The following NKAIN2 variants were observed in gnomAD, a reference collection of about 807,000 sequenced individuals.
NKAIN2 encodes sodium/potassium-transporting ATPase subunit beta-1-interacting protein 2.
A neutral mutation model predicts 32.6 loss-of-function variants in NKAIN2; 14 were observed. That is an observed-to-expected ratio of 0.43 (90% confidence interval 0.28 to 0.67). The LOEUF is 0.67. NKAIN2 is among the 30% of genes least tolerant of loss of function. The pLI is 0.17. For synonymous variants in NKAIN2, 80 were observed against 87.2 expected, an observed-to-expected ratio of 0.92 and a Z score of 0.46; for missense variants, 198 against 258.3, an observed-to-expected ratio of 0.77 and a Z score of 1.60.
At chr6:124,028,752 T>C (rs1269496370) in intron 1 of NKAIN2, among the ~76,000 whole-genome samples, 1 of 147,750 alleles carries the variant, frequency 6.8e-6, no homozygotes, top group African/African-American at 2.5e-5. Flanking sequence ...TATGTGTATA[T>C]ATACAAGTAT....
intron 2 of NKAIN2, among the ~76,000 whole-genome samples, chr6:124,353,030 C>G (rs1004847838): frequency 6.6e-6 from 1 of 152,204 alleles, no homozygotes; most frequent in African/African-American, 2.4e-5. Flanking sequence ...ACGTAGAGCT[C>G]TCACTCCTCA....
intron 4 of NKAIN2, among the ~76,000 whole-genome samples, chr6:124,670,164 C>T (rs1162830682): frequency 5.3e-5 from 8 of 152,068 alleles, no homozygotes; most frequent in Non-Finnish European, 1.2e-4. Context: ...TACTTGATTG[C>T]TAGAAGCCAA....
At chr6:124,379,318 G>T (rs1450957993) in intron 3 of NKAIN2, among the ~76,000 whole-genome samples, 3 of 139,728 alleles carry the variant, frequency 2.1e-5, no homozygotes. Flanking sequence ...GGAGAGGAGA[G>T]AAAGAAGGGA....
intron 3 of NKAIN2, among the ~76,000 whole-genome samples, chr6:124,645,584 A>T (rs1455544985): frequency 2.0e-5 from 3 of 152,214 alleles, no homozygotes; most frequent in Admixed American, 2.0e-4. Context: ...ACTCCTATAC[A>T]TAGAGCATTT....
chr6:124,632,199 C>T (rs1431843852), intron 3 of NKAIN2, among the ~76,000 whole-genome samples: 1 of 152,096 alleles, frequency 6.6e-6, no homozygotes, highest in Non-Finnish European at 1.5e-5. Flanking sequence ...ATTCTTTTCA[C>T]AAGACTTCTC....
intron 1 of NKAIN2, among the ~76,000 whole-genome samples, chr6:124,036,765 A>T (rs1030391195): frequency 3.9e-5 from 6 of 152,130 alleles, no homozygotes; most frequent in African/African-American, 1.4e-4. Flanking sequence ...TTTCTACTTC[A>T]GAAGTGTGTA....
At chr6:124,482,406 G>A (rs658410) in intron 3 of NKAIN2, among the ~76,000 whole-genome samples, 118,778 of 152,174 alleles carry the variant, frequency 0.78, 46,501 homozygotes, top group African/African-American at 0.82. Context: ...GATTTCTACT[G>A]TGTTCAACGT....
At chr6:124,692,248 T>C (rs960748972) in intron 4 of NKAIN2, among the ~76,000 whole-genome samples, 4 of 152,190 alleles carry the variant, frequency 2.6e-5, no homozygotes, top group Non-Finnish European at 5.9e-5. Context: ...AAAAGTAGGA[T>C]GGAAGTAATA....
chr6:124,295,923 C>T (rs1183843097), intron 2 of NKAIN2, among the ~76,000 whole-genome samples: 2 of 151,076 alleles, frequency 1.3e-5, no homozygotes, highest in African/African-American at 2.5e-5. Context: ...ATTTGTCAAT[C>T]TGGTGATACC....
intron 3 of NKAIN2, among the ~76,000 whole-genome samples, chr6:124,461,278 G>A (rs951947177): frequency 1.3e-5 from 2 of 151,724 alleles, no homozygotes; most frequent in Non-Finnish European, 3.0e-5. Flanking sequence ...TCTCTTTAGT[G>A]TAGCTTAATT....
intron 1 of NKAIN2, among the ~76,000 whole-genome samples, chr6:124,008,135 A>G (rs1170533346): frequency 6.6e-6 from 1 of 152,132 alleles, no homozygotes; most frequent in Non-Finnish European, 1.5e-5. Context: ...AAAGAATACT[A>G]GGTTTTGTTG....
At chr6:124,663,426 AT>A (rs1554246883) in intron 4 of NKAIN2, among the ~76,000 whole-genome samples, 5 of 150,804 alleles carry the variant, frequency 3.3e-5, no homozygotes, top group Non-Finnish European at 7.4e-5. Flanking sequence ...GCAAGACTCC[AT>A]CTCAAAAAAA....
intron 1 of NKAIN2, among the ~76,000 whole-genome samples, chr6:124,066,997 A>C (rs1283754172): frequency 1.3e-5 from 2 of 152,030 alleles, no homozygotes; most frequent in African/African-American, 4.8e-5. Context: ...GCCAGAAGAG[A>C]ATATCCTCTC....
Position 124,798,604 on chromosome 6 carries a change from C to T in NKAIN2, c.535+7205C>T, listed in dbSNP as rs575500564. ...CATCTTTCACCTTTCCTTCCCATTCCCCCCTCTGCCCAAAGCACAGAAGTT... is the reference window on the plus strand; with the variant it reads ...CATCTTTCACCTTTCCTTCCCATTCTCCCCTCTGCCCAAAGCACAGAAGTT... On this transcript the variant is annotated intron_variant, in intron 5 of 6. Coordinates refer to ENST00000368417, the MANE Select transcript of NKAIN2 (RefSeq NM_001040214.3). 2.6e-5 allele frequency among the ~76,000 whole-genome samples: 4 copies of T among 152,186 alleles called. No individual in the cohort carries two copies. The South Asian group carries it at 8.3e-4, about 32-fold the overall frequency.
intron 1 of NKAIN2, among the ~76,000 whole-genome samples, chr6:123,850,498 A>G (rs1280086114): frequency 3.3e-5 from 5 of 152,110 alleles, no homozygotes; most frequent in Non-Finnish European, 7.4e-5. Context: ...ACGACATTTT[A>G]TCTATGTTCT....
chr6:123,897,568 G>C (rs1774345357), intron 1 of NKAIN2, among the ~76,000 whole-genome samples: 1 of 152,134 alleles, frequency 6.6e-6, no homozygotes. Context: ...ACTGGGCTGA[G>C]ATGCAGTGTG....
chr6:124,149,946 A>T (rs890739634), intron 1 of NKAIN2, among the ~76,000 whole-genome samples: 2 of 152,288 alleles, frequency 1.3e-5, no homozygotes, highest in African/African-American at 4.8e-5. Flanking sequence ...GGTAATTAAA[A>T]TTTATTGTTC....
chr6:124,772,903 A>G (rs1181715344), intron 4 of NKAIN2, among the ~76,000 whole-genome samples: 1 of 152,174 alleles, frequency 6.6e-6, no homozygotes, highest in African/African-American at 2.4e-5. Flanking sequence ...TAAAAGCCCA[A>G]TCCCTACTAG....
chr6:123,912,659 G>A (rs1775275499), intron 1 of NKAIN2, among the ~76,000 whole-genome samples: 1 of 152,150 alleles, frequency 6.6e-6, no homozygotes, highest in Non-Finnish European at 1.5e-5. Context: ...TCTCTTGCCA[G>A]GTGATGCCTA....
Sources: gnomAD v4.1 joint callset for allele counts (sites outside exome capture counted in the v4.1 genomes callset) on GRCh38, gnomAD v4.1.1 for gene constraint, MANE v1.5 for transcripts, NCBI Gene and HGNC (gene_info 2026-07-23, HGNC 2026-07-21) for gene names.